The following PLEKHM3 variants were observed in gnomAD, a reference collection of about 807,000 sequenced individuals.
PLEKHM3 encodes the protein pleckstrin homology domain containing M3, also known as pleckstrin homology domain-containing family M member 3.
PLEKHM3 carries 45 observed loss-of-function variants against 81.8 expected under a neutral mutation model. That is an observed-to-expected ratio of 0.55 (90% confidence interval 0.43 to 0.71). PLEKHM3 has a LOEUF of 0.71. Ranked by LOEUF, PLEKHM3 falls within the 30% of genes least tolerant of loss-of-function variation. PLEKHM3 has a pLI of 0.00. For missense variants in PLEKHM3, 788 were observed against 924.3 expected (o/e 0.85, Z 1.91); for synonymous variants, 352 against 356.4 (o/e 0.99, Z 0.14).
At chr2:207,948,240 T>C (rs1003330583) in intron 3 of PLEKHM3, among the ~76,000 whole-genome samples, 4 of 152,116 alleles carry the variant, frequency 2.6e-5, no homozygotes, top group Admixed American at 6.5e-5. Flanking sequence ...TGCTGTTCAC[T>C]GCACTCACTG....
intron 4 of PLEKHM3, among the ~76,000 whole-genome samples, chr2:207,939,859 G>C (rs1689877712): frequency 6.6e-6 from 1 of 152,200 alleles, no homozygotes; most frequent in African/African-American, 2.4e-5. Context: ...GAGTACAGTG[G>C]AGAGCATGGC....
intron 6 of PLEKHM3, among the ~76,000 whole-genome samples, chr2:207,885,245 G>A (rs1178216381): frequency 3.3e-5 from 5 of 152,178 alleles, no homozygotes; most frequent in Non-Finnish European, 5.9e-5. Context: ...GTTTATTGGC[G>A]TATGTTGGCC....
intron 1 of PLEKHM3, among the ~76,000 whole-genome samples, chr2:208,004,702 A>C (rs951138836): frequency 2.6e-5 from 4 of 152,088 alleles, no homozygotes; most frequent in African/African-American, 9.7e-5. Context: ...TCCTTAGGTA[A>C]TTGTTCATAT....
At chr2:207,874,220 G>C (rs1009635535) in intron 6 of PLEKHM3, among the ~76,000 whole-genome samples, 1 of 152,096 alleles carries the variant, frequency 6.6e-6, no homozygotes, top group African/African-American at 2.4e-5. Flanking sequence ...AATGATGTTG[G>C]GGCAAGTTGT....
At chr2:207,914,810 C>T (rs1015984009) in intron 5 of PLEKHM3, among the ~76,000 whole-genome samples, 2 of 152,160 alleles carry the variant, frequency 1.3e-5, no homozygotes, top group Non-Finnish European at 2.9e-5. Context: ...AAACAGGATC[C>T]TTGTTGCAGA....
intron 4 of PLEKHM3, among the ~76,000 whole-genome samples, chr2:207,940,098 A>T (rs1689888564): frequency 6.6e-6 from 1 of 152,208 alleles, no homozygotes; most frequent in Non-Finnish European, 1.5e-5. Context: ...TCTTTCATTC[A>T]TTTAATATAC....
intron 2 of PLEKHM3, among the ~76,000 whole-genome samples, chr2:207,996,915 A>C (rs1377778418): frequency 6.6e-6 from 1 of 152,134 alleles, no homozygotes; most frequent in Non-Finnish European, 1.5e-5. Flanking sequence ...AGTGTACTGA[A>C]CATGGTTCTA....
chr2:207,892,699 G>A (rs1688098181), intron 6 of PLEKHM3, among the ~76,000 whole-genome samples: 1 of 152,106 alleles, frequency 6.6e-6, no homozygotes, highest in Admixed American at 6.6e-5. Context: ...ATTGCCATTG[G>A]TGGGGTGGAG....
Position 207,842,086 on chromosome 2 carries a change from C to T in PLEKHM3, c.2109-13590G>A, listed in dbSNP as rs576003945. On this transcript the variant is annotated intron_variant, in intron 7 of 7. Transcript: ENST00000427836. ...CCCAGTAGCTGGGACTATAGGCGCA[C>T]GCCACCACGCCCAGCTAATTTTTTG... 1.6e-4 allele frequency among the ~76,000 whole-genome samples: 25 copies of T among 152,232 alleles called. No individual in the cohort carries two copies. The East Asian group carries it at 4.4e-3, about 27-fold the overall frequency.
rs1691312470 is a variant in PLEKHM3, at chr2:207,976,495, G to A, written c.1546+156C>T. On this transcript the variant is annotated intron_variant, in intron 3 of 7. Transcript: ENST00000427836. The surrounding 1 kb of genome is among the most constrained non-coding windows in gnomAD (Gnocchi z 4.1). ...TGTTTTAATATAGTAATTTAATATAGGATGTTTTAATACAGTAAGCTTCTC... is the reference window on the plus strand; with the variant it reads ...TGTTTTAATATAGTAATTTAATATAAGATGTTTTAATACAGTAAGCTTCTC... 6.6e-6 allele frequency among the ~76,000 whole-genome samples: 1 copy of A among 152,170 alleles called. No individual in the cohort carries two copies. The highest frequency in any genetic ancestry group is 1.5e-5 in the Non-Finnish European group (1 of 68,030).
At chr2:207,993,238 G>T (rs1388599169) in intron 2 of PLEKHM3, among the ~76,000 whole-genome samples, 1 of 152,148 alleles carries the variant, frequency 6.6e-6, no homozygotes, top group African/African-American at 2.4e-5. Flanking sequence ...TTTCCAAATA[G>T]CTGCCACAGG....
chr2:207,863,975 A>G (rs2092482384), intron 6 of PLEKHM3, among the ~76,000 whole-genome samples: 1 of 151,704 alleles, frequency 6.6e-6, no homozygotes, highest in African/African-American at 2.4e-5. Flanking sequence ...ATATATATAT[A>G]TAAGCTCTCC....
intron 2 of PLEKHM3, among the ~76,000 whole-genome samples, chr2:207,995,404 C>G (rs1334036579): frequency 2.0e-5 from 3 of 152,122 alleles, no homozygotes; most frequent in African/African-American, 7.2e-5. Context: ...CCAACTACCC[C>G]CATAGAGATT....
chr2:208,018,732 C>G (rs1693014848), intron 1 of PLEKHM3, among the ~76,000 whole-genome samples: 1 of 152,182 alleles, frequency 6.6e-6, no homozygotes, highest in Admixed American at 6.5e-5. Context: ...CCAAAATGTT[C>G]TTTCCAAAAT....
chr2:208,001,694 T>C lies in PLEKHM3; in HGVS notation c.-55A>G. 3 of 1,554,510 alleles carry C rather than the reference T, an allele frequency of 1.9e-6. No individual in the cohort carries two copies. Among genetic ancestry groups the C allele is most frequent in the Non-Finnish European group, 2.6e-6 (3 of 1,157,122 alleles). On this transcript the variant is annotated 5_prime_UTR_variant, in exon 2 of 8. The change abolishes an upstream ATG in the 5' untranslated region. Coordinates refer to ENST00000427836, the MANE Select transcript of PLEKHM3 (RefSeq NM_001080475.3). ...TAAGCTGGTTCCAGAAATGGCTTCA[T>C]GAACATTCACCCAACCAAGAGGGGT... is the stretch of plus-strand genomic sequence containing the variant.
chr2:207,962,247 G>C (rs1690759948), intron 3 of PLEKHM3, among the ~76,000 whole-genome samples: 2 of 152,150 alleles, frequency 1.3e-5, no homozygotes, highest in South Asian at 2.1e-4. Context: ...AAGTTCAGTT[G>C]CATGGCCAAT....
At chr2:207,973,427 T>C (rs1009610768) in intron 3 of PLEKHM3, among the ~76,000 whole-genome samples, 2 of 152,178 alleles carry the variant, frequency 1.3e-5, no homozygotes, top group African/African-American at 4.8e-5. Context: ...GGAAATAAAG[T>C]ATTCTTACCT....
chr2:207,938,369 A>G (rs552632636), intron 4 of PLEKHM3, among the ~76,000 whole-genome samples: 1 of 152,330 alleles, frequency 6.6e-6, no homozygotes, highest in African/African-American at 2.4e-5. Flanking sequence ...TAGGATTATT[A>G]ATACTCCAGA....
At chr2:207,998,069 G>A (rs1421734919) in intron 2 of PLEKHM3, among the ~76,000 whole-genome samples, 2 of 151,990 alleles carry the variant, frequency 1.3e-5, no homozygotes, top group Non-Finnish European at 2.9e-5. Flanking sequence ...GAGAATGGGT[G>A]GCCACTGCTT....
Sources: gnomAD v4.1 joint callset for allele counts (sites outside exome capture counted in the v4.1 genomes callset) on GRCh38, gnomAD v4.1.1 for gene constraint, Gnocchi (gnomAD v3.1) non-coding constraint, MANE v1.5 for transcripts, NCBI Gene and HGNC (gene_info 2026-07-23, HGNC 2026-07-21) for gene names.